The following CENPK variants were observed in gnomAD, a reference collection of about 807,000 sequenced individuals.
The protein encoded by CENPK is SoxLZ/Sox6-binding protein Solt.
Under a neutral mutation model 40.9 loss-of-function variants are expected in CENPK, and 46 were observed. The ratio of observed to expected loss-of-function variants is 1.13; its 90% CI spans 0.89 to 1.44. The LOEUF is 1.44. Ranked by LOEUF, CENPK falls within the 40% of genes most tolerant of loss-of-function variation. The probability of loss-of-function intolerance (pLI) is 0.00; values close to 1 mark genes in which losing one functional copy is unlikely to be tolerated. For synonymous variants in CENPK, 107 were observed against 104.4 expected, an observed-to-expected ratio of 1.02 and a Z score of -0.15; for missense variants, 288 against 303.5, an observed-to-expected ratio of 0.95 and a Z score of 0.38.
chr5:65,538,494 T>C (rs557152178), intron 6 of CENPK, among the ~76,000 whole-genome samples: 18 of 152,360 alleles, frequency 1.2e-4, no homozygotes, highest in African/African-American at 4.1e-4. Flanking sequence ...TAGCAATTTC[T>C]TTAAGTCATT....
intron 5 of CENPK, among the ~76,000 whole-genome samples, chr5:65,544,756 C>T (rs1324051903): frequency 1.3e-5 from 2 of 152,132 alleles, no homozygotes; most frequent in African/African-American, 2.4e-5. Flanking sequence ...GAGGACATTA[C>T]ACTAACTAAA....
intron 5 of CENPK, among the ~76,000 whole-genome samples, chr5:65,544,793 CTA>C (rs1397110708): frequency 1.3e-5 from 2 of 152,114 alleles, no homozygotes; most frequent in African/African-American, 2.4e-5. Context: ...AACACAAATA[CTA>C]TATGATTCCA....
At chr5:65,541,736 A>G (rs1482418685) in intron 6 of CENPK, among the ~76,000 whole-genome samples, 1 of 152,202 alleles carries the variant, frequency 6.6e-6, no homozygotes, top group East Asian at 1.9e-4. Context: ...GCTCACAGCA[A>G]TGTAGGCCTT....
Position 65,562,387 on chromosome 5 carries a change from G to C in CENPK, c.-142+711C>G, listed in dbSNP as rs1483947370. On this transcript the variant is annotated intron_variant, in intron 1 of 10. Transcript: ENST00000396679. ...GCTAGGTAGAATGGTCAAATAATGG[G>C]AACCTTTGAAATAAAATAAAGTGCC... 2.0e-5 allele frequency among the ~76,000 whole-genome samples: 3 copies of C among 152,126 alleles called. No homozygotes were observed. In the East Asian group the frequency reaches 5.8e-4, roughly 29 times the overall value.
At chr5:65,517,031 C>G (rs1192935836), downstream of CENPK, among the ~76,000 whole-genome samples, 1 of 152,012 alleles carries the variant, frequency 6.6e-6, no homozygotes, top group Non-Finnish European at 1.5e-5. Flanking sequence ...CAACTTCTAC[C>G]TCCCAGGTTC....
intron 1 of CENPK, chr5:65,562,872 AAAC>A (rs1187006409): frequency 6.4e-6 from 1 of 156,316 alleles, no homozygotes; most frequent in African/African-American, 2.4e-5. Context: ...ATCTGAAAGG[AAAC>A]CCGCGAGTTA....
chr5:65,544,718 C>G (rs1748594377), intron 5 of CENPK, among the ~76,000 whole-genome samples: 1 of 152,114 alleles, frequency 6.6e-6, no homozygotes, highest in Admixed American at 6.6e-5. Context: ...GAAGGAAATT[C>G]TAACGTGCTA....
At chr5:65,522,214 A>C (rs1350164876) in intron 9 of CENPK, among the ~76,000 whole-genome samples, 1 of 152,160 alleles carries the variant, frequency 6.6e-6, no homozygotes, top group African/African-American at 2.4e-5. Flanking sequence ...CAGTATAGGA[A>C]ACTTGCTCTT....
chr5:65,545,258 C>T (rs1160770866), intron 5 of CENPK, among the ~76,000 whole-genome samples: 1 of 148,708 alleles, frequency 6.7e-6, no homozygotes, highest in Non-Finnish European at 1.5e-5. Flanking sequence ...CCAAAGAAAT[C>T]CAGGTTAAGG....
chr5:65,555,474 T>C (rs1286351566), intron 2 of CENPK, among the ~76,000 whole-genome samples: 1 of 152,208 alleles, frequency 6.6e-6, no homozygotes, highest in African/African-American at 2.4e-5. Flanking sequence ...GTGGGTTTGG[T>C]AGGCTATTTT....
chr5:65,559,511 C>T (rs1751578922), intron 2 of CENPK, among the ~76,000 whole-genome samples: 2 of 150,710 alleles, frequency 1.3e-5, no homozygotes, highest in African/African-American at 2.4e-5. Flanking sequence ...CGCCTGTAGT[C>T]CCAGCTACTT....
At chr5:65,532,603 A>T (rs971667924) in intron 6 of CENPK, among the ~76,000 whole-genome samples, 3 of 152,100 alleles carry the variant, frequency 2.0e-5, no homozygotes, top group African/African-American at 7.2e-5. Context: ...GACAGATAAA[A>T]TCAATTTTTG....
At chr5:65,525,723 G>C (rs964901679) in intron 9 of CENPK, among the ~76,000 whole-genome samples, 2 of 152,064 alleles carry the variant, frequency 1.3e-5, no homozygotes, top group African/African-American at 4.8e-5. Flanking sequence ...CATAAGAATC[G>C]GGCCCTAATC....
At chr5:65,504,255 G>A in the CENPK span, among the ~76,000 whole-genome samples, 313 of 151,570 alleles carry the variant, frequency 2.1e-3, 2 homozygotes, top group Non-Finnish European at 3.2e-3. Context: ...TGAGGAGTTC[G>A]AGACCAGCCT....
the CENPK span, among the ~76,000 whole-genome samples, chr5:65,501,546 C>T: frequency 1.3e-5 from 2 of 152,046 alleles, no homozygotes; most frequent in South Asian, 2.1e-4. Context: ...CCTAGTTCTT[C>T]GGGCATGTAT....
intron 5 of CENPK, among the ~76,000 whole-genome samples, chr5:65,544,372 A>G (rs893920979): frequency 4.6e-5 from 7 of 152,212 alleles, no homozygotes; most frequent in Middle Eastern, 3.2e-3. Context: ...CTACTATCAA[A>G]AAAACAGAAA....
At chr5:65,508,886 A>C in the CENPK span, among the ~76,000 whole-genome samples, 1 of 152,172 alleles carries the variant, frequency 6.6e-6, no homozygotes, top group Non-Finnish European at 1.5e-5. Context: ...CCAAAAACAC[A>C]ATCTATGAAA....
rs1473419782 is a variant in CENPK at position 65,563,136 on chromosome 5, C to T, written c.-180G>A. On this transcript the variant is annotated 5_prime_UTR_variant, in exon 1 of 11. Coordinates refer to ENST00000396679, the MANE Select transcript of CENPK (RefSeq NM_022145.5). ...CAAACTCCAGGTCGCCTAGGCGCTG[C>T]GCAGGAAGCGCTTGCCAGCCCCGGA... is the stretch of plus-strand genomic sequence containing the variant. 4 of 780,722 alleles carry T rather than the reference C, an allele frequency of 5.1e-6. No individual in the cohort carries two copies. The highest frequency in any genetic ancestry group is 7.9e-6 in the Non-Finnish European group (4 of 505,088). 48.4% of individuals were successfully genotyped at this position (780,722 alleles called of 1,614,324 possible).
chr5:65,531,840 A>G (rs1393062826), intron 6 of CENPK, among the ~76,000 whole-genome samples: 3 of 152,304 alleles, frequency 2.0e-5, no homozygotes, highest in South Asian at 2.1e-4. Flanking sequence ...CTCTCAAATT[A>G]ATAACCTCAG....
Sources: gnomAD v4.1 joint callset for allele counts (sites outside exome capture counted in the v4.1 genomes callset) on GRCh38, gnomAD v4.1.1 for gene constraint, MANE v1.5 for transcripts, NCBI Gene and HGNC (gene_info 2026-07-23, HGNC 2026-07-21) for gene names.